DBF4B: variants seen among roughly 807,000 people sequenced by gnomAD.
DBF4B encodes the protein DBF4B-CDC7 kinase regulatory subunit.
In DBF4B, 49 loss-of-function variants were observed where a neutral mutation model predicts 53.4. The ratio of observed to expected loss-of-function variants is 0.92; its 90% CI spans 0.73 to 1.16. The LOEUF (loss-of-function observed/expected upper bound fraction) is 1.16, where lower values mean the gene tolerates loss of function less well. DBF4B is among the 50% of genes most tolerant of loss of function. The pLI is 0.00. For synonymous variants in DBF4B, 257 were observed against 288.7 expected (o/e 0.89, Z 1.11); for missense variants, 692 against 775.0 (o/e 0.89, Z 1.27).
chr17:44,713,648 C>CAAA (rs1226449344), intron 2 of DBF4B, among the ~76,000 whole-genome samples: 2 of 151,846 alleles, frequency 1.3e-5, no homozygotes, highest in East Asian at 3.9e-4. Context: ...GATTCCGTCT[C>CAAA]AAAAAAACAA....
chr17:44,742,844 C>T (rs1425420325), intron 10 of DBF4B, among the ~76,000 whole-genome samples: 5 of 152,108 alleles, frequency 3.3e-5, no homozygotes, highest in African/African-American at 4.8e-5. Flanking sequence ...AGAAGGAATT[C>T]AGCTCAGGTG....
intron 3 of DBF4B, among the ~76,000 whole-genome samples, chr17:44,727,235 G>T (rs1974440681): frequency 6.6e-6 from 1 of 151,226 alleles, no homozygotes; most frequent in Non-Finnish European, 1.5e-5. Context: ...TGGCCAACAT[G>T]ATGAAACCTT....
chr17:44,710,676 C>T (rs1180683340), intron 2 of DBF4B, among the ~76,000 whole-genome samples: 1 of 151,500 alleles, frequency 6.6e-6, no homozygotes, highest in Non-Finnish European at 1.5e-5. Flanking sequence ...AGTGATCCTC[C>T]CACCTCAGAC....
intron 2 of DBF4B, among the ~76,000 whole-genome samples, chr17:44,711,301 A>C (rs1192874381): frequency 6.6e-6 from 1 of 151,622 alleles, no homozygotes; most frequent in Non-Finnish European, 1.5e-5. Context: ...TGATTCTTTA[A>C]ATTTTTTTAA....
intron 10 of DBF4B, among the ~76,000 whole-genome samples, chr17:44,746,716 G>A (rs1185296230): frequency 6.6e-6 from 1 of 151,948 alleles, no homozygotes; most frequent in East Asian, 1.9e-4. Context: ...CTACTCTGGA[G>A]GCTAAGGCAG....
At chr17:44,709,821 C>T (rs1298450041) in intron 2 of DBF4B, among the ~76,000 whole-genome samples, 1 of 151,672 alleles carries the variant, frequency 6.6e-6, no homozygotes. Flanking sequence ...AACACTGCTA[C>T]CTAATTAGGT....
At chr17:44,720,798 A>G (rs1216165109) in intron 2 of DBF4B, among the ~76,000 whole-genome samples, 1 of 151,666 alleles carries the variant, frequency 6.6e-6, no homozygotes, top group Non-Finnish European at 1.5e-5. Flanking sequence ...ACGATTCCAC[A>G]TTCCCTCCAG....
intron 2 of DBF4B, among the ~76,000 whole-genome samples, chr17:44,721,649 A>G (rs1381339284): frequency 1.3e-5 from 2 of 152,044 alleles, no homozygotes; most frequent in African/African-American, 2.4e-5. Context: ...CAGATAGACA[A>G]TCTATACCAG....
In DBF4B at chr17:44,751,125, T is replaced by C; in HGVS notation, c.1720T>C (p.Cys574Arg). The C allele has an allele frequency of 1.2e-6, 2 of 1,614,096 alleles. No individual in the cohort carries two copies. The highest frequency in any genetic ancestry group is 2.7e-5 in the African/African-American group (2 of 75,032). ...AGPIPRTSHP[C>R]TLAFPSYLND... Reference sequence around the variant, plus strand: ...ACCCATTCCCCGAACCTCACATCCGTGTACCCTTGCCTTCCCCTCCTATCT... The same window carrying C: ...ACCCATTCCCCGAACCTCACATCCGCGTACCCTTGCCTTCCCCTCCTATCT... Residue 574 changes from cysteine (C) to arginine (R), a missense_variant, in exon 14 of 14, where the codon TGT becomes CGT. This residue lies in a region of DBF4B where 597 missense variants were observed against 665.8 expected (regional missense o/e 0.90). Transcript: ENST00000315005.
rs1016403988 is a variant in DBF4B at position 44,751,514 on chromosome 17, C to T, written c.*261C>T. The T allele has an allele frequency of 3.6e-6, 5 of 1,383,550 alleles. No homozygotes were observed. The African/African-American group carries it at 5.8e-5, about 16-fold the overall frequency. 85.7% of individuals were successfully genotyped at this position (1,383,550 alleles called of 1,614,324 possible). Reference sequence around the variant, plus strand: ...CAAGTCACACTGTCTGTCCCTGGCCCTCCAGCCCACCTCGCCAACCACTCT... The same window carrying T: ...CAAGTCACACTGTCTGTCCCTGGCCTTCCAGCCCACCTCGCCAACCACTCT... On this transcript the variant is annotated 3_prime_UTR_variant, in exon 14 of 14. Transcript: ENST00000315005.
rs529247390 is a variant in DBF4B at position 44,747,652 on chromosome 17, A to T, written c.1064+137A>T. 8 of 1,223,458 alleles carry T rather than the reference A, an allele frequency of 6.5e-6. No individual in the cohort carries two copies. The African/African-American group carries it at 9.1e-5, about 14-fold the overall frequency. 75.8% of individuals were successfully genotyped at this position (1,223,458 alleles called of 1,614,324 possible). A position where few individuals can be genotyped will look rare whatever the true frequency, so the allele number is the denominator to read the frequency against. On this transcript the variant is annotated intron_variant, in intron 12 of 13. Transcript: ENST00000315005. ...TCTTTTCTCACCTTCCTTTCCCCTTATCCTCAGTCCTGTTTGTTTTGGGGC... is the reference window on the plus strand; with the variant it reads ...TCTTTTCTCACCTTCCTTTCCCCTTTTCCTCAGTCCTGTTTGTTTTGGGGC...
At chr17:44,737,805 A>G (rs536557810) in intron 8 of DBF4B, among the ~76,000 whole-genome samples, 3 of 152,244 alleles carry the variant, frequency 2.0e-5, no homozygotes, top group African/African-American at 4.8e-5. Flanking sequence ...TTTACCTGTG[A>G]TATTTTTCTA....
chr17:44,748,158 C>T (rs892768227), intron 12 of DBF4B, among the ~76,000 whole-genome samples, 183 bp from the exon 13 acceptor site: 1 of 152,222 alleles, frequency 6.6e-6, no homozygotes, highest in Admixed American at 6.5e-5. Flanking sequence ...GAGAAGTGCA[C>T]ACAGTGCTGG....
intron 6 of DBF4B, chr17:44,732,754 T>G (rs1974956069): frequency 6.5e-6 from 1 of 153,180 alleles, no homozygotes; most frequent in African/African-American, 2.4e-5. Context: ...TAATCCCAGC[T>G]ACTCAGGAGG....
intron 10 of DBF4B, among the ~76,000 whole-genome samples, chr17:44,744,376 C>G (rs1201739225): frequency 6.7e-6 from 1 of 148,666 alleles, no homozygotes; most frequent in African/African-American, 2.5e-5. Context: ...GGTGAATCTG[C>G]ACAACAGCCT....
intron 2 of DBF4B, among the ~76,000 whole-genome samples, chr17:44,722,142 A>G (rs1250374779): frequency 4.9e-5 from 7 of 144,116 alleles, no homozygotes; most frequent in East Asian, 4.0e-4. Flanking sequence ...TTCAAAAGGG[A>G]AAAAAAAAAA....
intron 10 of DBF4B, 62 bp from the exon 11 acceptor site, chr17:44,747,021 G>C (rs2049113130): frequency 6.7e-7 from 1 of 1,493,582 alleles, no homozygotes; most frequent in Non-Finnish European, 9.3e-7. Context: ...GCTCTAAGTA[G>C]TGGCTCCTCC....
chr17:44,739,488 G>A (rs766508315), intron 9 of DBF4B, among the ~76,000 whole-genome samples: 2 of 152,170 alleles, frequency 1.3e-5, no homozygotes, highest in Non-Finnish European at 2.9e-5. Context: ...GTGCTGCGCT[G>A]GCTTTGGTGG....
intron 3 of DBF4B, among the ~76,000 whole-genome samples, chr17:44,727,512 G>A (rs1325997137): frequency 1.3e-5 from 2 of 152,152 alleles, no homozygotes; most frequent in African/African-American, 4.8e-5. Flanking sequence ...GGAATGGAGA[G>A]GCTCTTTGCT....
Sources: gnomAD v4.1 joint callset for allele counts (sites outside exome capture counted in the v4.1 genomes callset) on GRCh38, gnomAD v4.1.1 for gene constraint, gnomAD v4.1.1 regional missense constraint, MANE v1.5 for transcripts, NCBI Gene and HGNC (gene_info 2026-07-23, HGNC 2026-07-21) for gene names.